PCDH15: variants seen among roughly 807,000 people sequenced by gnomAD.
PCDH15 encodes the protein protocadherin related 15.
PCDH15 carries 129 observed loss-of-function variants against 178.5 expected under a neutral mutation model. The ratio of observed to expected loss-of-function variants is 0.72; its 90% CI spans 0.63 to 0.84. The LOEUF is 0.84. Ranked by LOEUF, PCDH15 falls within the 40% of genes least tolerant of loss-of-function variation. The probability of loss-of-function intolerance (pLI) is 0.00; values close to 1 mark genes in which losing one functional copy is unlikely to be tolerated. For synonymous variants in PCDH15, 800 were observed against 732.0 expected (o/e 1.09, Z -1.50); for missense variants, 2,230 against 2,099.9 (o/e 1.06, Z -1.21).
intron 2 of PCDH15, among the ~76,000 whole-genome samples, chr10:54,617,755 C>CAAAAAAAAA (rs71010398): frequency 7.7e-5 from 9 of 117,100 alleles, no homozygotes; most frequent in African/African-American, 2.7e-4. Flanking sequence ...TCTAAAAATA[C>CAAAAAAAAA]AAAAAAAAAA....
At chr10:55,047,587 G>GC (rs888250473) in intron 2 of PCDH15, among the ~76,000 whole-genome samples, 21 of 151,860 alleles carry the variant, frequency 1.4e-4, no homozygotes, top group African/African-American at 5.1e-4. Flanking sequence ...ATAAAGAGGG[G>GC]GAAGTGACAA....
At chr10:55,072,585 C>G (rs1286614826) in intron 2 of PCDH15, among the ~76,000 whole-genome samples, 2 of 152,050 alleles carry the variant, frequency 1.3e-5, no homozygotes, top group African/African-American at 4.8e-5. Context: ...ATAACAGGCT[C>G]TGAAATTGTG....
intron 8 of PCDH15, among the ~76,000 whole-genome samples, chr10:54,298,174 G>A (rs1047005502): frequency 6.6e-6 from 1 of 152,092 alleles, no homozygotes; most frequent in African/African-American, 2.4e-5. Flanking sequence ...GAGCAGCTAT[G>A]GGAGGCCTTA....
intron 2 of PCDH15, among the ~76,000 whole-genome samples, chr10:54,950,713 G>T (rs1345682086): frequency 1.3e-5 from 2 of 151,918 alleles, no homozygotes; most frequent in Non-Finnish European, 2.9e-5. Flanking sequence ...TCACTATCAT[G>T]AGAACAGCGT....
intron 15 of PCDH15, among the ~76,000 whole-genome samples, chr10:54,101,266 C>T (rs1590427210): frequency 6.6e-6 from 1 of 152,286 alleles, no homozygotes; most frequent in Admixed American, 6.5e-5. Context: ...AACTGTAAGT[C>T]CAATTGAACC....
intron 2 of PCDH15, among the ~76,000 whole-genome samples, chr10:54,624,937 A>G (rs2093498414): frequency 1.3e-5 from 2 of 152,178 alleles, no homozygotes; most frequent in East Asian, 3.8e-4. Flanking sequence ...GAGTTATATA[A>G]TTATTTCATT....
At chr10:54,184,796 C>G (rs1314567675) in intron 12 of PCDH15, among the ~76,000 whole-genome samples, 1 of 151,928 alleles carries the variant, frequency 6.6e-6, no homozygotes, top group Non-Finnish European at 1.5e-5. Context: ...ATAAAAAATG[C>G]AAGAACAACA....
intron 3 of PCDH15, among the ~76,000 whole-genome samples, chr10:54,879,263 T>C (rs529232702): frequency 6.6e-6 from 1 of 152,134 alleles, no homozygotes; most frequent in African/African-American, 2.4e-5. Flanking sequence ...AGGTATAATG[T>C]TGGCATTCCT....
At chr10:54,048,391 G>A (rs1007658995) in intron 18 of PCDH15, among the ~76,000 whole-genome samples, 7 of 152,094 alleles carry the variant, frequency 4.6e-5, no homozygotes, top group African/African-American at 1.7e-4. Context: ...CTTTGCAGAA[G>A]CTCCTTAGTT....
chr10:54,416,770 CA>C (rs1954473516), intron 3 of PCDH15, among the ~76,000 whole-genome samples: 1 of 152,118 alleles, frequency 6.6e-6, no homozygotes, highest in Non-Finnish European at 1.5e-5. Context: ...TATTTCTCTA[CA>C]GTCTCACAGG....
At chr10:55,030,074 A>G (rs1451327119) in intron 2 of PCDH15, among the ~76,000 whole-genome samples, 1 of 152,182 alleles carries the variant, frequency 6.6e-6, no homozygotes, top group Non-Finnish European at 1.5e-5. Context: ...TGTCTTACAC[A>G]AGTTAGGCTG....
chr10:54,389,487 T>C (rs887293365), intron 3 of PCDH15, among the ~76,000 whole-genome samples: 5 of 152,240 alleles, frequency 3.3e-5, no homozygotes, highest in African/African-American at 1.2e-4. Context: ...TGTCTCACTT[T>C]ATGAAAGCAG....
At chr10:53,827,325 TA>T in intron 32 of PCDH15, 67 bp downstream of exon 32, 1 of 1,513,246 alleles carries the variant, frequency 6.6e-7, no homozygotes, top group Non-Finnish European at 8.9e-7. Context: ...AGATTGAAAT[TA>T]AATACTCACC....
chr10:53,923,131 C>A (rs2084152588), intron 25 of PCDH15, among the ~76,000 whole-genome samples: 1 of 152,112 alleles, frequency 6.6e-6, no homozygotes, highest in Admixed American at 6.5e-5. Flanking sequence ...ATAGCAATCT[C>A]TATTAAACAG....
chr10:54,323,242 G>A lies in PCDH15; in HGVS notation c.706-5801C>T, dbSNP rs1324926930. Among the ~76,000 whole-genome samples, 3 of 152,052 alleles carry A rather than the reference G, an allele frequency of 2.0e-5. No individual in the cohort carries two copies. In the East Asian group the frequency reaches 5.8e-4, roughly 29 times the overall value. On this transcript the variant is annotated intron_variant, in intron 7 of 37. Coordinates refer to ENST00000644397, the MANE Select transcript of PCDH15 (RefSeq NM_001384140.1). ...ATACTGGTGAGGCTGCAGAGAAAAG[G>A]AAATGGTTATATGCTGTTGGTGGGT...
chr10:54,404,088 C>A (rs1952293879), intron 3 of PCDH15, among the ~76,000 whole-genome samples: 1 of 151,930 alleles, frequency 6.6e-6, no homozygotes, highest in South Asian at 2.1e-4. Flanking sequence ...CTACCAATGA[C>A]ATTCTTCACA....
intron 8 of PCDH15, among the ~76,000 whole-genome samples, chr10:54,242,636 A>G (rs1289666914): frequency 1.3e-5 from 2 of 152,126 alleles, no homozygotes; most frequent in Non-Finnish European, 2.9e-5. Flanking sequence ...GACATTTCGC[A>G]GACTGATTAT....
chr10:54,347,911 C>T (rs1272071694), intron 5 of PCDH15, among the ~76,000 whole-genome samples: 4 of 152,046 alleles, frequency 2.6e-5, no homozygotes, highest in Admixed American at 2.0e-4. Context: ...TGCAGTGGCA[C>T]GGTCTCGGCT....
intron 2 of PCDH15, among the ~76,000 whole-genome samples, chr10:55,057,230 T>C (rs922680890): frequency 6.6e-6 from 1 of 152,176 alleles, no homozygotes; most frequent in Admixed American, 6.5e-5. Context: ...CTTTAATCTT[T>C]TCAGCTACTT....
Sources: allele counts gnomAD v4.1 joint callset (sites outside exome capture counted in the v4.1 genomes callset), GRCh38; gene constraint gnomAD v4.1.1; transcripts MANE v1.5; gene names NCBI Gene and HGNC (gene_info 2026-07-23, HGNC 2026-07-21).